The following ADISSP variants were observed in gnomAD, a reference collection of about 807,000 sequenced individuals.
ADISSP encodes the protein adipose secreted signaling protein, also known as adipose-secreted signaling protein.
At chr20:3,762,072 G>A in the ADISSP span, among the ~76,000 whole-genome samples, 53 of 152,270 alleles carry the variant, frequency 3.5e-4, no homozygotes, top group Non-Finnish European at 6.2e-4. Context: ...AGGAGTTCAA[G>A]ACCAGCCTGG....
chr20:3,758,441 T>G, the ADISSP span: 1 of 1,207,052 alleles, frequency 8.3e-7, no homozygotes, highest in African/African-American at 1.5e-5. This position sits in a 1 kb window ranked among gnomAD's most constrained non-coding sequence, Gnocchi z 5.5. Flanking sequence ...CAGACATGCC[T>G]ATAAGCCCGG....
chr20:3,761,330 G>GTT, the ADISSP span, among the ~76,000 whole-genome samples: 2 of 135,812 alleles, frequency 1.5e-5, no homozygotes, highest in Non-Finnish European at 1.5e-5. Flanking sequence ...ACCTGGTATG[G>GTT]TTTTTGTTTT....
chr20:3,760,210 G>T, the ADISSP span: 1 of 913,618 alleles, frequency 1.1e-6, no homozygotes, highest in Non-Finnish European at 1.7e-6. Context: ...AGTGGGGAGG[G>T]CAGGGGTCAG....
the ADISSP span, chr20:3,768,206 C>G: frequency 1.3e-5 from 2 of 152,526 alleles, no homozygotes; most frequent in East Asian, 3.9e-4. Flanking sequence ...CCGGCTTCGG[C>G]CATCGATACG....
the ADISSP span, among the ~76,000 whole-genome samples, chr20:3,757,102 G>A: frequency 6.6e-6 from 1 of 152,206 alleles, no homozygotes; most frequent in African/African-American, 2.4e-5. Context: ...TGTAATCCCA[G>A]CACTTTGGGA....
the ADISSP span, chr20:3,754,377 C>G: frequency 6.2e-7 from 1 of 1,602,786 alleles, no homozygotes; most frequent in Non-Finnish European, 8.5e-7. Flanking sequence ...CTCCTCCAAC[C>G]AGGAGCCTCA....
the ADISSP span, chr20:3,754,615 C>A: frequency 1.5e-6 from 2 of 1,307,786 alleles, no homozygotes; most frequent in East Asian, 2.3e-5. Flanking sequence ...CATGGGGGGA[C>A]TGCATGCTAA....
the ADISSP span, chr20:3,755,404 G>A: frequency 1.3e-6 from 2 of 1,516,998 alleles, no homozygotes; most frequent in African/African-American, 2.7e-5. Flanking sequence ...CTAGTTGGAA[G>A]TAAGGGAGCA....
At chr20:3,761,337 T>G in the ADISSP span, among the ~76,000 whole-genome samples, 1 of 73,954 alleles carries the variant, frequency 1.4e-5, no homozygotes, top group East Asian at 2.8e-4. Flanking sequence ...ATGGTTTTTG[T>G]TTTTTTTTTT....
chr20:3,764,192 G>A, the ADISSP span, among the ~76,000 whole-genome samples: 1 of 152,172 alleles, frequency 6.6e-6, no homozygotes, highest in African/African-American at 2.4e-5. Flanking sequence ...AAATGGCCAA[G>A]CACAAGAGTG....
the ADISSP span, among the ~76,000 whole-genome samples, chr20:3,765,280 G>A: frequency 6.6e-6 from 1 of 152,166 alleles, no homozygotes; most frequent in East Asian, 1.9e-4. Flanking sequence ...GAACAGCTAG[G>A]CCACCACACA....
At chr20:3,755,583 T>C in the ADISSP span, 1 of 1,601,660 alleles carries the variant, frequency 6.2e-7, no homozygotes, top group Non-Finnish European at 8.5e-7. Context: ...ATCTCATACC[T>C]GTGCAGGATC....
the ADISSP span, chr20:3,760,228 C>G: frequency 4.4e-6 from 3 of 689,440 alleles, no homozygotes; most frequent in South Asian, 3.4e-5. Flanking sequence ...CAGGGCCACT[C>G]ATGGACCCAT....
the ADISSP span, chr20:3,767,905 C>G: frequency 6.6e-6 from 1 of 152,278 alleles, no homozygotes. Context: ...GTGCCAGGGT[C>G]GCCGAGGCAG....
chr20:3,755,296 C>T, the ADISSP span: 1 of 623,392 alleles, frequency 1.6e-6, no homozygotes, highest in Non-Finnish European at 2.9e-6. Context: ...CTGTTCAGGA[C>T]AGGGAGCAAG....
At chr20:3,757,283 G>A in the ADISSP span, among the ~76,000 whole-genome samples, 1 of 152,052 alleles carries the variant, frequency 6.6e-6, no homozygotes, top group Non-Finnish European at 1.5e-5. Context: ...CTGGGAGCTG[G>A]AGGTTGCAGT....
the ADISSP span, chr20:3,760,049 G>A: frequency 6.2e-7 from 1 of 1,610,548 alleles, no homozygotes; most frequent in African/African-American, 1.3e-5. Flanking sequence ...GGAAGAGCTT[G>A]TGCAAGTCCT....
At chr20:3,759,448 C>T in the ADISSP span, among the ~76,000 whole-genome samples, 2 of 152,120 alleles carry the variant, frequency 1.3e-5, no homozygotes, top group Non-Finnish European at 2.9e-5. This position sits in a 1 kb window ranked among gnomAD's most constrained non-coding sequence, Gnocchi z 4.6. Context: ...AAGGCCTGGA[C>T]TGGATGAATG....
At chr20:3,756,114 AG>A in the ADISSP span, among the ~76,000 whole-genome samples, 1 of 152,214 alleles carries the variant, frequency 6.6e-6, no homozygotes, top group Non-Finnish European at 1.5e-5. Flanking sequence ...GGATGACACC[AG>A]GCCACAGATA....
Sources: allele counts gnomAD v4.1 joint callset (sites outside exome capture counted in the v4.1 genomes callset), GRCh38; gene constraint gnomAD v4.1.1; non-coding constraint Gnocchi (gnomAD v3.1); transcripts MANE v1.5; gene names NCBI Gene and HGNC (gene_info 2026-07-23, HGNC 2026-07-21).